Variants in MCC observed in about 807,000 individuals in gnomAD.
MCC encodes the protein colorectal mutant cancer protein.
MCC carries 90 observed loss-of-function variants against 116.2 expected under a neutral mutation model. The observed-to-expected ratio is 0.77, with a 90% CI of 0.65 to 0.92. The LOEUF (loss-of-function observed/expected upper bound fraction) is 0.92, where lower values mean the gene tolerates loss of function less well. Ranked by LOEUF, MCC falls within the 40% of genes least tolerant of loss-of-function variation. The pLI is 0.00. For synonymous variants in MCC, 578 were observed against 510.5 expected, an observed-to-expected ratio of 1.13 and a Z score of -1.78; for missense variants, 1,516 against 1,312.2, an observed-to-expected ratio of 1.16 and a Z score of -2.40.
chr5:113,151,280 C>G (rs1181948785), intron 4 of MCC, 29 bp downstream of exon 4: 2 of 1,392,980 alleles, frequency 1.4e-6, no homozygotes, highest in Non-Finnish European at 2.0e-6. Flanking sequence ...AAAACAAAAG[C>G]AAACTAAAAA....
At chr5:113,118,287 A>G (rs2150267078) in intron 6 of MCC, among the ~76,000 whole-genome samples, 1 of 152,246 alleles carries the variant, frequency 6.6e-6, no homozygotes, top group South Asian at 2.1e-4. Flanking sequence ...AATAACTCCT[A>G]CCTTGGCTTT....
At chr5:113,473,346 A>C (rs532042074) in intron 1 of MCC, among the ~76,000 whole-genome samples, 2 of 152,206 alleles carry the variant, frequency 1.3e-5, no homozygotes, top group East Asian at 3.9e-4. Context: ...AAACACAGTA[A>C]GACCCCATCT....
chr5:113,165,839 C>T (rs2150300272), intron 3 of MCC, among the ~76,000 whole-genome samples: 1 of 152,150 alleles, frequency 6.6e-6, no homozygotes, highest in South Asian at 2.1e-4. Flanking sequence ...TTTGGGTAAT[C>T]ACAAATAGCA....
rs530855326 is a variant in MCC at position 113,488,213 on chromosome 5, T to G, written c.170+32A>C. On this transcript the variant is annotated intron_variant, in intron 1 of 18. Transcript: ENST00000408903. ...GGGCGCGCGGAGGGACTGATCTCGC[T>G]CCTGTCGGTTTCCTCGTACCTCCCC... 4 of 1,580,334 alleles carry G rather than the reference T, an allele frequency of 2.5e-6. No homozygotes were observed. In the Admixed American group the frequency reaches 5.3e-5, roughly 21 times the overall value.
chr5:113,437,992 C>T (rs1770911431), intron 1 of MCC, among the ~76,000 whole-genome samples: 1 of 152,086 alleles, frequency 6.6e-6, no homozygotes, highest in Admixed American at 6.6e-5. Context: ...ATCCTAAAAT[C>T]GATGCTGAAG....
intron 3 of MCC, among the ~76,000 whole-genome samples, chr5:113,180,142 T>G (rs1383733883): frequency 6.6e-6 from 1 of 152,162 alleles, no homozygotes; most frequent in Non-Finnish European, 1.5e-5. Flanking sequence ...AAGTACTTCT[T>G]TATCAGCATC....
chr5:113,033,237 G>GCC (rs1173845979), intron 17 of MCC, among the ~76,000 whole-genome samples: 1 of 152,178 alleles, frequency 6.6e-6, no homozygotes, highest in Non-Finnish European at 1.5e-5. Context: ...TTTAACAAGG[G>GCC]CCCCAGCTGA....
At chr5:113,177,309 G>A (rs1761386559) in intron 3 of MCC, among the ~76,000 whole-genome samples, 2 of 152,218 alleles carry the variant, frequency 1.3e-5, no homozygotes, top group Non-Finnish European at 2.9e-5. Flanking sequence ...TGGCACAAAG[G>A]AGGCACTGAA....
At chr5:113,125,534 C>T (rs781285351) in intron 5 of MCC, among the ~76,000 whole-genome samples, 7 of 152,172 alleles carry the variant, frequency 4.6e-5, no homozygotes, top group African/African-American at 9.7e-5. Flanking sequence ...CCTTATCTCT[C>T]ATTGGCATCA....
At chr5:113,045,716 T>C (rs1053565909) in intron 16 of MCC, among the ~76,000 whole-genome samples, 1 of 151,612 alleles carries the variant, frequency 6.6e-6, no homozygotes, top group African/African-American at 2.4e-5. Context: ...GGAGAATCAC[T>C]TGAACCTGGT....
intron 3 of MCC, among the ~76,000 whole-genome samples, chr5:113,287,339 T>C (rs1330192124): frequency 6.6e-6 from 1 of 152,018 alleles, no homozygotes. Flanking sequence ...CAACAACTTC[T>C]TTTTTTTGAG....
chr5:113,075,983 C>G (rs1754423846), intron 11 of MCC, among the ~76,000 whole-genome samples: 1 of 152,122 alleles, frequency 6.6e-6, no homozygotes, highest in Non-Finnish European at 1.5e-5. Flanking sequence ...AGTCTTGAAG[C>G]CAGCGAGACC....
chr5:113,368,658 C>A (rs1327524834), intron 2 of MCC, among the ~76,000 whole-genome samples: 2 of 151,700 alleles, frequency 1.3e-5, no homozygotes, highest in Non-Finnish European at 2.9e-5. Flanking sequence ...CAACAACAAG[C>A]AACATGGAAG....
At chr5:113,469,398 GT>G (rs1772013799) in intron 1 of MCC, among the ~76,000 whole-genome samples, 1 of 152,096 alleles carries the variant, frequency 6.6e-6, no homozygotes, top group Non-Finnish European at 1.5e-5. Context: ...GTTCTCGTTG[GT>G]TTCAAAGAAC....
intron 3 of MCC, among the ~76,000 whole-genome samples, chr5:113,196,679 C>T (rs536086617): frequency 6.6e-6 from 1 of 152,160 alleles, no homozygotes; most frequent in East Asian, 1.9e-4. Flanking sequence ...GAAACCCCAT[C>T]TCTATTAAAA....
intron 2 of MCC, among the ~76,000 whole-genome samples, chr5:113,347,181 A>G (rs1768155134): frequency 6.6e-6 from 1 of 152,198 alleles, no homozygotes; most frequent in African/African-American, 2.4e-5. Context: ...CACACAGGAA[A>G]AGACAGAATA....
intron 3 of MCC, among the ~76,000 whole-genome samples, chr5:113,180,763 A>G (rs1761587458): frequency 1.3e-5 from 2 of 152,198 alleles, no homozygotes; most frequent in African/African-American, 4.8e-5. Context: ...CATTAATGGC[A>G]TGTCTATCTG....
intron 3 of MCC, among the ~76,000 whole-genome samples, chr5:113,163,806 C>T (rs1421825953): frequency 6.6e-6 from 1 of 152,118 alleles, no homozygotes; most frequent in African/African-American, 2.4e-5. Context: ...TGTAACTACA[C>T]TTAAGATAGT....
intron 11 of MCC, among the ~76,000 whole-genome samples, chr5:113,073,067 G>A (rs1320264390): frequency 1.3e-5 from 2 of 148,568 alleles, no homozygotes; most frequent in African/African-American, 2.5e-5. Flanking sequence ...GAAACATTAC[G>A]AGATATTTTT....
Sources: gnomAD v4.1 joint callset for allele counts (sites outside exome capture counted in the v4.1 genomes callset) on GRCh38, gnomAD v4.1.1 for gene constraint, MANE v1.5 for transcripts, NCBI Gene and HGNC (gene_info 2026-07-23, HGNC 2026-07-21) for gene names.